Variants in CTSH observed in about 807,000 individuals in gnomAD.
CTSH encodes the protein pro-cathepsin H.
A neutral mutation model predicts 56.3 loss-of-function variants in CTSH; 52 were observed. The observed-to-expected ratio is 0.92, with a 90% CI of 0.74 to 1.16. The LOEUF is 1.16. Ranked by LOEUF, CTSH falls within the 50% of genes most tolerant of loss-of-function variation. The pLI is 0.00. For missense variants in CTSH, 406 were observed against 424.5 expected, an observed-to-expected ratio of 0.96 and a Z score of 0.38; for synonymous variants, 174 against 155.7, an observed-to-expected ratio of 1.12 and a Z score of -0.88.
chr15:78,932,482 A>T, intron 5 of CTSH, 24 bp from the exon 6 acceptor site: 1 of 1,588,742 alleles, frequency 6.3e-7, no homozygotes, highest in Non-Finnish European at 8.6e-7. Context: ...GGGAGAGCAG[A>T]GGACATCAGT....
rs1288095667 is a variant in CTSH, at chr15:78,931,513, G to C, written c.493-7C>G. 1 of 1,614,230 alleles carries C rather than the reference G, an allele frequency of 6.2e-7. No homozygotes were observed. Among genetic ancestry groups the C allele is most frequent in the Non-Finnish European group, 8.5e-7 (1 of 1,180,038 alleles). Reference sequence around the variant, plus strand: ...CCACCAGCTGCTGTTCCGCCTGGAAGAAGGACACAACCCAGTGACCTGCCA... The same window carrying C: ...CCACCAGCTGCTGTTCCGCCTGGAACAAGGACACAACCCAGTGACCTGCCA... On this transcript the variant is annotated splice_region_variant and splice_polypyrimidine_tract_variant and intron_variant, in intron 6 of 11. Transcript: ENST00000220166.
intron 7 of CTSH, 85 bp from the exon 8 acceptor site, chr15:78,929,578 G>C: frequency 2.3e-6 from 2 of 864,096 alleles, no homozygotes; most frequent in Non-Finnish European, 3.6e-6. Flanking sequence ...CGAGATATCT[G>C]GCCTGGCAGG....
intron 2 of CTSH, 60 bp downstream of exon 2, chr15:78,939,080 T>C: frequency 6.8e-7 from 1 of 1,472,414 alleles, no homozygotes; most frequent in Non-Finnish European, 9.4e-7. Flanking sequence ...GACAGTTTGG[T>C]TTGATAACAG....
In CTSH at chr15:78,923,455, A is replaced by G. The variant is rs1247938128; in HGVS notation, c.807-337T>C. ...AGGCGTGCACCACCACACCCAGCTA[A>G]TTTTTGTATTTTGGGTAGAGACAGG... On this transcript the variant is annotated intron_variant, in intron 10 of 11. Coordinates refer to ENST00000220166, the MANE Select transcript of CTSH (RefSeq NM_004390.5). Among the ~76,000 whole-genome samples the G allele has an allele frequency of 2.0e-5, 3 of 152,088 alleles. No individual in the cohort carries two copies. The East Asian group carries it at 5.8e-4, about 29-fold the overall frequency.
Position 78,925,331 on chromosome 15 carries a change from C to G in CTSH, c.806+3G>C, listed in dbSNP as rs1385860279. The G allele has an allele frequency of 6.3e-7, 1 of 1,594,640 alleles. No homozygotes were observed. Among genetic ancestry groups the G allele is most frequent in the African/African-American group, 1.3e-5 (1 of 74,478 alleles). ...CCTCCTGGCTCCTGGGACCCTGACT[C>G]ACCTGGAGTAGATGCCGGTTCTATA... On this transcript the variant is annotated splice_donor_region_variant and intron_variant, in intron 10 of 11. Coordinates refer to ENST00000220166, the MANE Select transcript of CTSH (RefSeq NM_004390.5).
chr15:78,921,940 T>C lies in CTSH; in HGVS notation c.*190A>G. On this transcript the variant is annotated 3_prime_UTR_variant, in exon 12 of 12. Coordinates refer to ENST00000220166, the MANE Select transcript of CTSH (RefSeq NM_004390.5). ...CACATGGCTGGTGATCTTTGCGTCA[T>C]AGACACGGGTGAGCTCATGGTGGAA... 3.4e-6 allele frequency: 2 copies of C among 594,958 alleles called. No homozygotes were observed. Among genetic ancestry groups the C allele is most frequent in the East Asian group, 2.8e-5 (1 of 35,780 alleles). 36.9% of individuals were successfully genotyped at this position (594,958 alleles called of 1,614,324 possible).
rs141660661 is a variant in CTSH, at chr15:78,924,633, G to A, written c.806+701C>T. ...GTGACTCCTCCAGCACAGGATCCTA[G>A]TGTGTGAGGGCAGCTACTCTTCTCC... On this transcript the variant is annotated intron_variant, in intron 10 of 11. Coordinates refer to ENST00000220166, the MANE Select transcript of CTSH (RefSeq NM_004390.5). Among the ~76,000 whole-genome samples, 10 of 152,146 alleles carry A rather than the reference G, an allele frequency of 6.6e-5. No homozygotes were observed. The East Asian group carries it at 1.9e-3, about 29-fold the overall frequency.
Position 78,923,036 on chromosome 15 carries a change from A to C in CTSH, c.889T>G (p.Trp297Gly). The C allele has an allele frequency of 1.9e-6, 3 of 1,613,422 alleles. No individual in the cohort carries two copies. Among genetic ancestry groups the C allele is most frequent in the Non-Finnish European group, 2.5e-6 (3 of 1,179,734 alleles). Residue 297 changes from tryptophan (W) to glycine (G), a missense_variant, in exon 11 of 12, where the codon TGG becomes GGG. Coordinates refer to ENST00000220166, the MANE Select transcript of CTSH (RefSeq NM_004390.5). Reference sequence around the variant, plus strand: ...GGACCCCAAGAGTTTTTCACGATCCAGTAAGGGATCCCATTTTTTTCTCCA... The same window carrying C: ...GGACCCCAAGAGTTTTTCACGATCCCGTAAGGGATCCCATTTTTTTCTCCA... ...GYGEKNGIPYWIVKNSWGPQW... is the reference protein window; with the variant it reads ...GYGEKNGIPYGIVKNSWGPQW...
Position 78,929,430 on chromosome 15 carries a change from G to A in CTSH, c.612C>T (p.Thr204=), listed in dbSNP as rs150522005. The A allele has an allele frequency of 1.5e-4, 244 of 1,612,460 alleles. No homozygotes were observed. Among genetic ancestry groups the A allele is most frequent in the Non-Finnish European group, 2.8e-5 (33 of 1,179,198 alleles). The change falls in exon 8 of 12, where the codon ACC becomes ACT. Residue 204 remains threonine (T), a synonymous_variant. Coordinates refer to ENST00000220166, the MANE Select transcript of CTSH (RefSeq NM_004390.5). ...LYNKGIMGED[T]YPYQGKDGYC... ...GAGTTACCTTGCCCTGGTAGGGGTAGGTGTCTTCACCCATGATCCCCTTGT... is the reference window on the plus strand; with the variant it reads ...GAGTTACCTTGCCCTGGTAGGGGTAAGTGTCTTCACCCATGATCCCCTTGT...
rs1299510046 is a variant in CTSH, at chr15:78,921,263, C to T, written c.*867G>A. On this transcript the variant is annotated 3_prime_UTR_variant, in exon 12 of 12. Transcript: ENST00000220166. ...CAGACATCCCAGAGCCCGGAGGCTT[C>T]AGGAAGCAGCAGCAACTTCATGGCC... The T allele has an allele frequency of 6.6e-6, 1 of 152,166 alleles. No homozygotes were observed. The highest frequency in any genetic ancestry group is 6.5e-5 in the Admixed American group (1 of 15,274). The allele number at this position is 152,166 out of a possible 1,614,324, so 9.4% of individuals were successfully genotyped here.
chr15:78,923,363 C>T (rs2141514264), intron 10 of CTSH, among the ~76,000 whole-genome samples: 1 of 152,334 alleles, frequency 6.6e-6, no homozygotes, highest in South Asian at 2.1e-4. Flanking sequence ...AATCTCTGCT[C>T]ACTGCAACCT....
intron 11 of CTSH, 56 bp from the exon 12 acceptor site, chr15:78,922,261 C>G (rs1291053997): frequency 6.2e-6 from 9 of 1,448,322 alleles, no homozygotes; most frequent in Non-Finnish European, 8.5e-6. Context: ...ACAGGCCTTT[C>G]TAGAATGTTT....
chr15:78,941,828 G>A (rs2055301506), intron 1 of CTSH, among the ~76,000 whole-genome samples: 1 of 151,916 alleles, frequency 6.6e-6, no homozygotes, highest in Non-Finnish European at 1.5e-5. Flanking sequence ...TCTGGATTGA[G>A]TAATCATAAT....
intron 1 of CTSH, among the ~76,000 whole-genome samples, chr15:78,943,593 GAAGA>G (rs1374834612): frequency 6.6e-6 from 1 of 152,182 alleles, no homozygotes; most frequent in Non-Finnish European, 1.5e-5. Context: ...TAAATGGTTA[GAAGA>G]AACATATTTC....
chr15:78,941,761 A>G, intron 1 of CTSH, among the ~76,000 whole-genome samples: 1 of 148,598 alleles, frequency 6.7e-6, no homozygotes, highest in Admixed American at 6.9e-5. Context: ...ACGCCACTGC[A>G]CTCCAGCCTG....
intron 1 of CTSH, among the ~76,000 whole-genome samples, chr15:78,941,414 ACT>A (rs2055285477): frequency 9.1e-6 from 1 of 109,892 alleles, no homozygotes; most frequent in South Asian, 3.4e-4. Context: ...ACAAAGCGAG[ACT>A]CTGTCTAAAA....
chr15:78,943,197 G>C (rs1389553394), intron 1 of CTSH, among the ~76,000 whole-genome samples: 1 of 152,122 alleles, frequency 6.6e-6, no homozygotes, highest in Non-Finnish European at 1.5e-5. Context: ...CTTTAAAAGT[G>C]CCATAATACC....
chr15:78,944,916 G>A lies in CTSH; in HGVS notation c.66C>T (p.Ala22=), dbSNP rs1054493865. Residue 22 remains alanine, a synonymous_variant, in exon 1 of 12, where the codon GCC becomes GCT. Transcript: ENST00000220166. Reference sequence around the variant, plus strand: ...CTAAGGAGTTCACGCACAGTTCGGCGGCACCGCAGACGGGGACTCCCAGGA... The same window carrying A: ...CTAAGGAGTTCACGCACAGTTCGGCAGCACCGCAGACGGGGACTCCCAGGA... ...AWLLGVPVCG[A]AELCVNSLEK... is the part of the protein sequence containing the mutation. 11 of 1,548,542 alleles carry A rather than the reference G, an allele frequency of 7.1e-6. No homozygotes were observed. In the African/African-American group the frequency reaches 1.1e-4, roughly 15 times the overall value.
At chr15:78,941,520 C>T (rs1052989638) in intron 1 of CTSH, among the ~76,000 whole-genome samples, 34 of 151,090 alleles carry the variant, frequency 2.3e-4, no homozygotes, top group African/African-American at 7.3e-4. Flanking sequence ...GAGCTGGGCG[C>T]GGTGGCTCAT....
Sources: allele counts gnomAD v4.1 joint callset (sites outside exome capture counted in the v4.1 genomes callset), GRCh38; gene constraint gnomAD v4.1.1; transcripts MANE v1.5; gene names NCBI Gene and HGNC (gene_info 2026-07-23, HGNC 2026-07-21).